The following MAPK6 variants were observed in gnomAD, a reference collection of about 807,000 sequenced individuals.
MAPK6 encodes ERK-3.
A neutral mutation model predicts 59.3 loss-of-function variants in MAPK6; 19 were observed. That is an observed-to-expected ratio of 0.32 (90% CI 0.22 to 0.47). The LOEUF (loss-of-function observed/expected upper bound fraction) is 0.47, where lower values mean the gene tolerates loss of function less well. Among genes scored for constraint, MAPK6 ranks in the 20% least tolerant of loss-of-function variants. The pLI is 1.00. For missense variants in MAPK6, 724 were observed against 847.9 expected (o/e 0.85, Z 1.81); for synonymous variants, 316 against 290.3 (o/e 1.09, Z -0.90).
chr15:52,004,615 C>T (rs538447727), intron 3 of MAPK6, among the ~76,000 whole-genome samples: 1 of 152,252 alleles, frequency 6.6e-6, no homozygotes, highest in South Asian at 2.1e-4. Flanking sequence ...TAAGAGGGGA[C>T]AGTATCTAAT....
Position 52,019,287 on chromosome 15 carries a change from C to G in MAPK6, c.-721C>G, listed in dbSNP as rs2030391161. The G allele has an allele frequency of 6.6e-6, 1 of 152,020 alleles. No homozygotes were observed. The highest frequency in any genetic ancestry group is 1.5e-5 in the Non-Finnish European group (1 of 67,924). 9.4% of individuals were successfully genotyped at this position (152,020 alleles called of 1,614,324 possible). A position where few individuals can be genotyped will look rare whatever the true frequency, so the allele number is the denominator to read the frequency against. On this transcript the variant is annotated 5_prime_UTR_variant, in exon 1 of 6. Transcript: ENST00000261845. ...TGCGGCAAAGCGAGAGCCTCGGAGA[C>G]GCCGCTGCCGCCAGCACAGCCGGAG...
At position 51,985,712 on chromosome 15, in the gene MAPK6, A is replaced by G. The variant is rs548096500; in HGVS notation, c.-770+2397A>G. Among the ~76,000 whole-genome samples the G allele has an allele frequency of 4.6e-5, 7 of 152,156 alleles. No individual in the cohort carries two copies. In the East Asian group the frequency reaches 9.6e-4, roughly 21 times the overall value. ...AGTGGCTCACGCCTGTAATCCTAAC[A>G]CTTTGGGAGGCCGAGGCGGGCAGAT... On this transcript the variant is annotated intron_variant, in intron 2 of 7. Coordinates refer to the MAPK6 transcript ENST00000691380.
At position 52,002,280 on chromosome 15, in the gene MAPK6, A is replaced by G. The variant is rs1030214331; in HGVS notation, c.-769-1985A>G. Among the ~76,000 whole-genome samples the G allele has an allele frequency of 2.6e-5, 4 of 152,178 alleles. No individual in the cohort carries two copies. In the East Asian group the frequency reaches 7.7e-4, roughly 29 times the overall value. The stretch of plus-strand genomic sequence containing the variant: ...CATTGGTATACAATCCCAGTTCACC[A>G]CTAGTGAAAGTTTTAGTACCTGGCC... On this transcript the variant is annotated intron_variant, in intron 2 of 7. Coordinates refer to the MAPK6 transcript ENST00000691380.
intron 3 of MAPK6, among the ~76,000 whole-genome samples, chr15:52,057,733 G>A (rs1457837475): frequency 6.6e-6 from 1 of 151,968 alleles, no homozygotes; most frequent in Non-Finnish European, 1.5e-5. Flanking sequence ...GTAGAGATGG[G>A]GTTTTACCAT....
chr15:51,991,230 T>C (rs2057207741), intron 2 of MAPK6, among the ~76,000 whole-genome samples: 1 of 152,084 alleles, frequency 6.6e-6, no homozygotes, highest in Non-Finnish European at 1.5e-5. Flanking sequence ...TATGTGTATA[T>C]ATGTGTGTAT....
chr15:51,977,030 GTC>G (rs1234477290), intron 1 of MAPK6, among the ~76,000 whole-genome samples: 2 of 151,688 alleles, frequency 1.3e-5, no homozygotes, highest in East Asian at 3.9e-4. Flanking sequence ...GGGGGATGGA[GTC>G]TCTCTCTGTT....
chr15:52,025,851 C>G (rs2030753017), intron 1 of MAPK6, among the ~76,000 whole-genome samples: 1 of 152,192 alleles, frequency 6.6e-6, no homozygotes, highest in Admixed American at 6.5e-5. Context: ...TCTAGATGAT[C>G]TTTGCCCACT....
At chr15:52,020,202 C>A (rs1260570915) in intron 1 of MAPK6, among the ~76,000 whole-genome samples, 2 of 152,226 alleles carry the variant, frequency 1.3e-5, no homozygotes, top group Non-Finnish European at 2.9e-5. Flanking sequence ...TTTAGTCCGC[C>A]TTGTGAGTTG....
intron 2 of MAPK6, among the ~76,000 whole-genome samples, chr15:52,003,736 T>G (rs1298874776): frequency 6.6e-6 from 1 of 152,224 alleles, no homozygotes; most frequent in Non-Finnish European, 1.5e-5. Flanking sequence ...TAAATGTGAC[T>G]GAAAAAATGT....
chr15:51,977,710 A>AT (rs553923522), intron 1 of MAPK6, among the ~76,000 whole-genome samples: 7 of 151,546 alleles, frequency 4.6e-5, no homozygotes, highest in East Asian at 1.9e-4. Flanking sequence ...CTAACTTTTT[A>AT]TTTTTTTGTA....
intron 3 of MAPK6, among the ~76,000 whole-genome samples, chr15:52,053,484 T>TAA (rs1430087013): frequency 2.0e-5 from 3 of 152,240 alleles, no homozygotes; most frequent in Admixed American, 6.5e-5. Context: ...TATTGAGTTG[T>TAA]AAGAATTCTT....
intron 2 of MAPK6, among the ~76,000 whole-genome samples, chr15:51,995,811 C>T (rs1048423762): frequency 3.3e-5 from 5 of 152,054 alleles, no homozygotes; most frequent in Admixed American, 6.6e-5. Flanking sequence ...GCCTATAGTC[C>T]CAGCTACTCA....
intron 1 of MAPK6, among the ~76,000 whole-genome samples, chr15:51,983,085 T>G (rs1178178470): frequency 6.6e-6 from 1 of 152,158 alleles, no homozygotes; most frequent in Non-Finnish European, 1.5e-5. Context: ...GGAAAATGGG[T>G]TAGAATCCTG....
intron 1 of MAPK6, among the ~76,000 whole-genome samples, chr15:52,036,867 A>C (rs547805808): frequency 6.0e-5 from 9 of 151,058 alleles, no homozygotes; most frequent in Non-Finnish European, 1.2e-4. Flanking sequence ...GTTTATTAAG[A>C]AAGTAAAGGA....
At chr15:51,994,369 G>A (rs750047705) in intron 2 of MAPK6, among the ~76,000 whole-genome samples, 3 of 152,106 alleles carry the variant, frequency 2.0e-5, no homozygotes, top group Non-Finnish European at 4.4e-5. Context: ...CATACCAGAG[G>A]CTGAGACAGA....
chr15:52,043,579 G>C (rs944877589), intron 1 of MAPK6, among the ~76,000 whole-genome samples: 2 of 151,890 alleles, frequency 1.3e-5, no homozygotes, highest in Non-Finnish European at 2.9e-5. Context: ...TTACAGGCGT[G>C]AGCCACCGCG....
In MAPK6 at chr15:51,991,146, T is replaced by TACACACACAC. The variant is rs141153685; in HGVS notation, c.-770+7832_-770+7833insCACACACACA. On this transcript the variant is annotated intron_variant, in intron 2 of 7. Transcript: ENST00000691380. ...TCCATCTCAAAAAGAAATATATATA[T>TACACACACAC]ATACACACACACACACACACACACA... Among the ~76,000 whole-genome samples the TACACACACAC allele has an allele frequency of 3.8e-4, 46 of 120,430 alleles. No individual in the cohort carries two copies. The South Asian group carries it at 4.0e-3, about 10-fold the overall frequency. 79.0% of individuals were successfully genotyped at this position (120,430 alleles called of 152,430 possible). A position where few individuals can be genotyped will look rare whatever the true frequency, so the allele number is the denominator to read the frequency against.
At chr15:52,061,570 T>C (rs902391908) in intron 5 of MAPK6, 70 bp downstream of exon 5, 1 of 1,166,804 alleles carries the variant, frequency 8.6e-7, no homozygotes, top group South Asian at 1.4e-5. Flanking sequence ...GTGAGTTTTT[T>C]TAAAATTATG....
chr15:52,023,922 T>C (rs2030650309), intron 1 of MAPK6, among the ~76,000 whole-genome samples: 1 of 152,202 alleles, frequency 6.6e-6, no homozygotes, highest in Admixed American at 6.5e-5. Flanking sequence ...AATAGAGTTC[T>C]AAAAGTTTTG....
Sources: allele counts gnomAD v4.1 joint callset (sites outside exome capture counted in the v4.1 genomes callset), GRCh38; gene constraint gnomAD v4.1.1; transcripts MANE v1.5; gene names NCBI Gene and HGNC (gene_info 2026-07-23, HGNC 2026-07-21).